The following PEBP4 variants were observed in gnomAD, a reference collection of about 807,000 sequenced individuals.
PEBP4 encodes the protein phosphatidylethanolamine-binding protein 4.
PEBP4 carries 22 observed loss-of-function variants against 23.9 expected under a neutral mutation model. The ratio of observed to expected loss-of-function variants is 0.92; its 90% CI spans 0.66 to 1.31. The LOEUF (loss-of-function observed/expected upper bound fraction) is 1.31, where lower values mean the gene tolerates loss of function less well. Among genes scored for constraint, PEBP4 ranks in the 40% most tolerant of loss-of-function variants. The pLI, the probability that PEBP4 is intolerant of heterozygous loss-of-function variation, is 0.00. For synonymous variants in PEBP4, 112 were observed against 99.3 expected, an observed-to-expected ratio of 1.13 and a Z score of -0.76; for missense variants, 324 against 281.7, an observed-to-expected ratio of 1.15 and a Z score of -1.07.
chr8:22,911,094 C>T lies in PEBP4; in HGVS notation c.258+9090G>A, dbSNP rs77453345. Among the ~76,000 whole-genome samples, 816 of 152,108 alleles carry T rather than the reference C, an allele frequency of 5.4e-3. 8 individuals are homozygous for T. Among genetic ancestry groups the T allele is most frequent in the African/African-American group, 0.019 (778 of 41,474 alleles). On this transcript the variant is annotated intron_variant, in intron 3 of 6. Coordinates refer to ENST00000256404, the MANE Select transcript of PEBP4 (RefSeq NM_144962.3). ...CCATCTGTTCAATTTTGCTGTGAACCTAAGACTGCTCTAAAACATAAAGTC... is the reference window on the plus strand; with the variant it reads ...CCATCTGTTCAATTTTGCTGTGAACTTAAGACTGCTCTAAAACATAAAGTC...
intron 4 of PEBP4, among the ~76,000 whole-genome samples, chr8:22,774,280 C>T (rs916799690): frequency 1.3e-5 from 2 of 152,204 alleles, no homozygotes; most frequent in African/African-American, 4.8e-5. Flanking sequence ...TGGGCTTCTG[C>T]ATCTCACTCA....
chr8:22,728,559 TCTTCCTTCCTTCCTTCCTTCCTTCCTTC>T lies in PEBP4; in HGVS notation c.358-1367_358-1340del, dbSNP rs3029509. On this transcript the variant is annotated intron_variant, in intron 4 of 6. Transcript: ENST00000256404. ...TTCTTCCTTCCTTTCTTTCTTTCTT[TCTTCCTTCCTTCCTTCCTTCCTTCCTTC>T]CTTCCTTCCTTCCTTCCTTCCTTCC... is the stretch of plus-strand genomic sequence containing the variant. 4.4e-4 allele frequency among the ~76,000 whole-genome samples: 42 copies of T among 96,364 alleles called. 1 individual carries two copies. In the South Asian group the frequency reaches 0.013, roughly 29 times the overall value. 63.2% of individuals were successfully genotyped at this position (96,364 alleles called of 152,430 possible).
chr8:22,926,561 G>A (rs1002601906), intron 2 of PEBP4, among the ~76,000 whole-genome samples: 7 of 152,064 alleles, frequency 4.6e-5, no homozygotes, highest in Non-Finnish European at 8.8e-5. Flanking sequence ...TGCCCAGGCT[G>A]GTCTCAAACC....
intron 1 of PEBP4, among the ~76,000 whole-genome samples, chr8:22,939,733 C>T (rs908380744): frequency 7.2e-5 from 11 of 151,844 alleles, no homozygotes; most frequent in Non-Finnish European, 1.5e-4. Flanking sequence ...ATTTTATTAC[C>T]CAGGAGTCAG....
chr8:22,822,613 T>C (rs1170274749), intron 3 of PEBP4, among the ~76,000 whole-genome samples: 2 of 152,106 alleles, frequency 1.3e-5, no homozygotes, highest in African/African-American at 4.8e-5. Context: ...ACAAAAGTAA[T>C]ATTCAGTAAA....
chr8:22,760,240 G>T (rs1805479499), intron 4 of PEBP4, among the ~76,000 whole-genome samples: 1 of 152,128 alleles, frequency 6.6e-6, no homozygotes, highest in Admixed American at 6.5e-5. Flanking sequence ...ACCTGCCCAA[G>T]GTCACCTAGC....
intron 4 of PEBP4, among the ~76,000 whole-genome samples, chr8:22,737,030 A>C (rs994180101): frequency 2.0e-5 from 3 of 152,202 alleles, no homozygotes; most frequent in African/African-American, 7.2e-5. Context: ...ATGGTGGCTC[A>C]CGCCTGTAAT....
intron 4 of PEBP4, among the ~76,000 whole-genome samples, chr8:22,802,030 G>A (rs1806393467): frequency 6.6e-6 from 1 of 152,092 alleles, no homozygotes; most frequent in African/African-American, 2.4e-5. Context: ...GGAGCTCTGG[G>A]CATCTGTCCT....
At chr8:22,936,738 C>T (rs7012983) in intron 1 of PEBP4, among the ~76,000 whole-genome samples, 71,716 of 152,004 alleles carry the variant, frequency 0.47, 19,558 homozygotes, top group African/African-American at 0.76. Context: ...AACAGTACAC[C>T]GATAGGATTA....
At chr8:22,932,552 G>A (rs1809474063), upstream of PEBP4, among the ~76,000 whole-genome samples, 1 of 152,126 alleles carries the variant, frequency 6.6e-6, no homozygotes, top group South Asian at 2.1e-4. Context: ...CCCCCAGAGA[G>A]ACAGAGAATT....
intron 3 of PEBP4, among the ~76,000 whole-genome samples, chr8:22,847,671 G>A (rs1265039370): frequency 2.0e-5 from 3 of 152,206 alleles, no homozygotes; most frequent in Non-Finnish European, 2.9e-5. Flanking sequence ...CATGGTGGGG[G>A]AGGGTAAACC....
At chr8:22,940,551 C>T (rs139969410) in intron 1 of PEBP4, among the ~76,000 whole-genome samples, 4,516 of 138,420 alleles carry the variant, frequency 0.033, 258 homozygotes, top group African/African-American at 0.12. Context: ...TGCAGCAGCA[C>T]AATCATGGCT....
chr8:22,915,540 G>A (rs564376686), intron 3 of PEBP4, among the ~76,000 whole-genome samples: 6 of 152,322 alleles, frequency 3.9e-5, no homozygotes, highest in South Asian at 2.1e-4. Context: ...CTCCGTGATA[G>A]TGTCTTTCGT....
rs147431428 is a variant in PEBP4 at position 22,815,638 on chromosome 8, C to T, written c.357+1999G>A. Among the ~76,000 whole-genome samples the T allele has an allele frequency of 6.9e-3, 1,051 of 152,336 alleles. 3 individuals carry two copies. The highest frequency in any genetic ancestry group is 0.018 in the South Asian group (87 of 4,828). ...GCAGTGCAAATGTGACGGAAACCCGCGCCTCCTCCGGCCTGAGCGGGAAGG... is the reference window on the plus strand; with the variant it reads ...GCAGTGCAAATGTGACGGAAACCCGTGCCTCCTCCGGCCTGAGCGGGAAGG... On this transcript the variant is annotated intron_variant, in intron 4 of 6. Transcript: ENST00000256404.
chr8:22,744,286 C>T (rs1334205393), intron 4 of PEBP4, among the ~76,000 whole-genome samples: 1 of 152,242 alleles, frequency 6.6e-6, no homozygotes, highest in African/African-American at 2.4e-5. Flanking sequence ...CAGAATCAGA[C>T]TCCCTAATTC....
intron 3 of PEBP4, among the ~76,000 whole-genome samples, chr8:22,828,371 C>T (rs1001801173): frequency 3.9e-5 from 6 of 152,174 alleles, no homozygotes; most frequent in African/African-American, 1.4e-4. Context: ...CTGAAATGTT[C>T]TTTTCTTCTT....
intron 4 of PEBP4, among the ~76,000 whole-genome samples, chr8:22,795,418 G>T (rs759393716): frequency 4.7e-4 from 71 of 151,736 alleles, no homozygotes; most frequent in African/African-American, 1.7e-3. Flanking sequence ...CTTGTGATCC[G>T]CCTGCCTTGG....
At chr8:22,857,833 A>G (rs541508341) in intron 3 of PEBP4, among the ~76,000 whole-genome samples, 2 of 152,336 alleles carry the variant, frequency 1.3e-5, no homozygotes, top group South Asian at 4.1e-4. Flanking sequence ...GCAGTGAGCC[A>G]TGGAGAAGAA....
At chr8:22,772,964 G>A (rs892416489) in intron 4 of PEBP4, among the ~76,000 whole-genome samples, 3 of 152,106 alleles carry the variant, frequency 2.0e-5, no homozygotes, top group African/African-American at 7.2e-5. Flanking sequence ...GCTAACAGGG[G>A]CCCTCTCTTT....
Sources: gnomAD v4.1 joint callset for allele counts (sites outside exome capture counted in the v4.1 genomes callset) on GRCh38, gnomAD v4.1.1 for gene constraint, MANE v1.5 for transcripts, NCBI Gene and HGNC (gene_info 2026-07-23, HGNC 2026-07-21) for gene names.